Variants in ZNF438 observed in about 807,000 individuals in gnomAD.
ZNF438 encodes zinc finger protein 438.
ZNF438 carries 25 observed loss-of-function variants against 38.0 expected under a neutral mutation model. The observed-to-expected ratio is 0.66, with a 90% CI of 0.48 to 0.92. ZNF438 has a LOEUF of 0.92. ZNF438 is among the 40% of genes least tolerant of loss of function. The pLI, the probability that ZNF438 is intolerant of heterozygous loss-of-function variation, is 0.00. For missense variants in ZNF438, 1,007 were observed against 999.6 expected (o/e 1.01, Z -0.10); for synonymous variants, 372 against 364.1 (o/e 1.02, Z -0.25).
intron 3 of ZNF438, among the ~76,000 whole-genome samples, chr10:30,894,996 T>C (rs1418859093): frequency 2.0e-5 from 3 of 152,234 alleles, no homozygotes; most frequent in Non-Finnish European, 4.4e-5. Context: ...AACAAAAATT[T>C]CTAACTCGTC....
chr10:30,872,247 A>G (rs113826725), intron 4 of ZNF438, among the ~76,000 whole-genome samples: 7,701 of 151,590 alleles, frequency 0.051, 634 homozygotes, highest in African/African-American at 0.18. Context: ...CCAACATGGT[A>G]AAATCCCCTC....
chr10:30,852,301 T>A (rs2033804663), intron 4 of ZNF438, among the ~76,000 whole-genome samples: 1 of 151,740 alleles, frequency 6.6e-6, no homozygotes, highest in Non-Finnish European at 1.5e-5. Flanking sequence ...CTCTGCCTCC[T>A]GGGTTCAAGT....
intron 2 of ZNF438, among the ~76,000 whole-genome samples, chr10:30,914,461 A>G (rs2134668725): frequency 6.6e-6 from 1 of 152,144 alleles, no homozygotes; most frequent in Admixed American, 6.6e-5. Flanking sequence ...ACACACACAA[A>G]TGAGTTCGAG....
At chr10:30,984,315 A>G (rs1214744703) in intron 1 of ZNF438, 54 bp downstream of exon 2, 3 of 152,166 alleles carry the variant, frequency 2.0e-5, no homozygotes, top group Non-Finnish European at 4.4e-5. Flanking sequence ...AACCTATGAG[A>G]TCAAATTACT....
At chr10:30,879,184 G>A (rs2038884729) in intron 3 of ZNF438, among the ~76,000 whole-genome samples, 1 of 152,126 alleles carries the variant, frequency 6.6e-6, no homozygotes, top group African/African-American at 2.4e-5. Context: ...ACAGAAGAAC[G>A]GGAATATTGC....
At chr10:31,007,531 T>C (rs1323960354) in intron 1 of ZNF438, among the ~76,000 whole-genome samples, 1 of 152,128 alleles carries the variant, frequency 6.6e-6, no homozygotes, top group East Asian at 1.9e-4. Context: ...CTGCCCGCCT[T>C]GGCCTCCCAA....
At chr10:30,947,911 G>C (rs2047636769) in intron 1 of ZNF438, among the ~76,000 whole-genome samples, 1 of 152,178 alleles carries the variant, frequency 6.6e-6, no homozygotes, top group Non-Finnish European at 1.5e-5. Context: ...TGCGCCCACT[G>C]TCTGGCACTC....
chr10:30,891,387 G>A lies in ZNF438; in HGVS notation c.-31-14322C>T, dbSNP rs555815550. Among the ~76,000 whole-genome samples, 55 of 151,546 alleles carry A rather than the reference G, an allele frequency of 3.6e-4. No homozygotes were observed. In the South Asian group the frequency reaches 9.6e-3, roughly 26 times the overall value. On this transcript the variant is annotated intron_variant, in intron 3 of 5. Coordinates refer to ENST00000413025, the Ensembl canonical transcript of ZNF438. ...CCAGTGTTAAAAATGTGTTCCATCT[G>A]TGATTTTTAAAATTTGAAGCAATGT...
Position 30,961,756 on chromosome 10 carries a change from C to T in ZNF438, c.-191-20105G>A, listed in dbSNP as rs777456378. Among the ~76,000 whole-genome samples the T allele has an allele frequency of 8.2e-5, 12 of 145,618 alleles. 1 individual carries two copies. Among genetic ancestry groups the T allele is most frequent in the African/African-American group, 2.0e-4 (8 of 40,900 alleles). The stretch of plus-strand genomic sequence containing the variant: ...ACAAGAGATTGGCCGGGTGTGGTGG[C>T]GTGCGCCTGTGATCCTAGCTACTCA... On this transcript the variant is annotated intron_variant, in intron 1 of 5. Transcript: ENST00000413025.
intron 1 of ZNF438, among the ~76,000 whole-genome samples, chr10:30,963,726 C>A (rs1188857403): frequency 1.3e-5 from 2 of 151,998 alleles, no homozygotes; most frequent in Non-Finnish European, 2.9e-5. Flanking sequence ...CTAAAAACTA[C>A]AAAAATTAGC....
chr10:30,876,545 G>C lies in ZNF438; in HGVS notation c.37+453C>G, dbSNP rs551153919. 5.3e-5 allele frequency among the ~76,000 whole-genome samples: 8 copies of C among 152,268 alleles called. No homozygotes were observed. The South Asian group carries it at 1.7e-3, about 32-fold the overall frequency. On this transcript the variant is annotated intron_variant, in intron 4 of 5. Transcript: ENST00000413025. The stretch of plus-strand genomic sequence containing the variant: ...TCTATTTCTTTTTAAATGGATATCA[G>C]GGGAAACAGGCAAAGAAATGTATAC...
At chr10:30,999,735 T>C (rs1219676540) in intron 1 of ZNF438, among the ~76,000 whole-genome samples, 2 of 152,224 alleles carry the variant, frequency 1.3e-5, no homozygotes, top group Non-Finnish European at 2.9e-5. Context: ...TTTATATGAA[T>C]GATTTCTCAT....
intron 3 of ZNF438, among the ~76,000 whole-genome samples, chr10:30,888,344 A>AACACAC (rs140506626): frequency 9.5e-5 from 14 of 147,294 alleles, no homozygotes; most frequent in African/African-American, 2.9e-4. Context: ...TAATATTATA[A>AACACAC]ACACACACAC....
intron 3 of ZNF438, among the ~76,000 whole-genome samples, chr10:30,904,833 T>C (rs1406951162): frequency 6.6e-6 from 1 of 152,220 alleles, no homozygotes; most frequent in East Asian, 1.9e-4. Flanking sequence ...ATTCATCCTT[T>C]GGATCGCAAA....
intron 1 of ZNF438, among the ~76,000 whole-genome samples, chr10:30,943,898 C>T (rs189056030): frequency 9.3e-5 from 14 of 150,208 alleles, no homozygotes; most frequent in Admixed American, 4.0e-4. Flanking sequence ...AAACAAATTG[C>T]GGCCTTTGAA....
intron 1 of ZNF438, among the ~76,000 whole-genome samples, chr10:30,995,043 GA>G (rs35673009): frequency 3.1e-4 from 45 of 145,446 alleles, no homozygotes; most frequent in Middle Eastern, 3.6e-3. Context: ...TCAGAGAGAG[GA>G]AAAAAAAAAA....
At position 30,870,349 on chromosome 10, in the gene ZNF438, C is replaced by CAAGGTGATG. The variant is rs1380222927; in HGVS notation, c.37+6640_37+6648dup. 2.0e-5 allele frequency among the ~76,000 whole-genome samples: 3 copies of CAAGGTGATG among 151,966 alleles called. No individual in the cohort carries two copies. The East Asian group carries it at 5.8e-4, about 29-fold the overall frequency. ...ACGCAAATTCCCAGGTTAGGCAGAA[C>CAAGGTGATG]AAGGTGATGTCCTGCCTTCTTCTTT... On this transcript the variant is annotated intron_variant, in intron 4 of 5. Transcript: ENST00000413025.
At chr10:30,925,949 A>C (rs1200997171) in intron 2 of ZNF438, among the ~76,000 whole-genome samples, 1 of 152,246 alleles carries the variant, frequency 6.6e-6, no homozygotes, top group African/African-American at 2.4e-5. Context: ...GGGGATGCTG[A>C]CATTAAAAAA....
intron 3 of ZNF438, among the ~76,000 whole-genome samples, chr10:30,888,571 T>C (rs1021257215): frequency 5.3e-5 from 8 of 152,202 alleles, no homozygotes; most frequent in African/African-American, 1.9e-4. Flanking sequence ...GTTGTTCCCT[T>C]GTGTCCACGT....
Sources: allele counts gnomAD v4.1 joint callset (sites outside exome capture counted in the v4.1 genomes callset), GRCh38; gene constraint gnomAD v4.1.1; transcripts MANE v1.5; gene names NCBI Gene and HGNC (gene_info 2026-07-23, HGNC 2026-07-21).